The following LTBP1 variants were observed in gnomAD, a reference collection of about 807,000 sequenced individuals.
The protein encoded by LTBP1 is latent transforming growth factor beta binding protein 1, also known as latent-transforming growth factor beta-binding protein 1.
Under a neutral mutation model 207.6 loss-of-function variants are expected in LTBP1, and 129 were observed. That is an observed-to-expected ratio of 0.62 (90% confidence interval 0.54 to 0.72). LTBP1 has a LOEUF of 0.72. Among genes scored for constraint, LTBP1 ranks in the 30% least tolerant of loss-of-function variants. The pLI is 0.00. For missense variants in LTBP1, 2,281 were observed against 2,217.2 expected (o/e 1.03, Z -0.58); for synonymous variants, 963 against 833.7 (o/e 1.16, Z -2.67).
At chr2:32,949,627 G>T (rs369632085) in intron 2 of LTBP1, among the ~76,000 whole-genome samples, 1 of 152,176 alleles carries the variant, frequency 6.6e-6, no homozygotes, top group African/African-American at 2.4e-5. Flanking sequence ...TGTATTTTGA[G>T]GTTCTTCTTG....
chr2:33,017,987 A>C (rs1688626685), intron 2 of LTBP1, among the ~76,000 whole-genome samples: 1 of 152,102 alleles, frequency 6.6e-6, no homozygotes, highest in Non-Finnish European at 1.5e-5. Flanking sequence ...TCTAGGGGGC[A>C]CCTGTCTGAG....
At chr2:33,257,659 C>T in intron 12 of LTBP1, 148 bp downstream of exon 12, 1 of 646,958 alleles carries the variant, frequency 1.5e-6, no homozygotes, top group Non-Finnish European at 2.7e-6. Flanking sequence ...GGGGGCTGCC[C>T]TGTGTATTGT....
chr2:33,035,477 A>G (rs766762015), intron 3 of LTBP1, among the ~76,000 whole-genome samples: 3 of 152,218 alleles, frequency 2.0e-5, no homozygotes, highest in African/African-American at 7.2e-5. Flanking sequence ...AAAGAGAGCA[A>G]GCTTGAAATG....
intron 12 of LTBP1, among the ~76,000 whole-genome samples, chr2:33,257,902 T>C (rs916193047): frequency 6.6e-6 from 1 of 152,214 alleles, no homozygotes; most frequent in Non-Finnish European, 1.5e-5. Context: ...AGTTAAAGCA[T>C]TAAGGTCTAA....
At chr2:33,208,189 A>T (rs908256785) in intron 7 of LTBP1, among the ~76,000 whole-genome samples, 9 of 152,220 alleles carry the variant, frequency 5.9e-5, no homozygotes, top group African/African-American at 2.2e-4. Flanking sequence ...CTGAATGTGG[A>T]TGGAGGTGAG....
At chr2:32,959,994 G>T (rs1678828501) in intron 2 of LTBP1, among the ~76,000 whole-genome samples, 1 of 152,050 alleles carries the variant, frequency 6.6e-6, no homozygotes, top group Admixed American at 6.6e-5. Context: ...ACCATAGCGA[G>T]TAGACAGTTA....
intron 32 of LTBP1, among the ~76,000 whole-genome samples, chr2:33,390,268 C>A (rs1190562395): frequency 6.6e-6 from 1 of 152,050 alleles, no homozygotes; most frequent in Non-Finnish European, 1.5e-5. Context: ...ATTGTGATCC[C>A]CTTTAGAACG....
intron 2 of LTBP1, 26 bp downstream of exon 2, chr2:32,948,971 C>G: frequency 6.2e-7 from 1 of 1,612,668 alleles, no homozygotes; most frequent in Non-Finnish European, 8.5e-7. Context: ...CACAGTGGCC[C>G]TGCACAGTAG....
At chr2:33,303,519 T>A (rs2094028836) in intron 22 of LTBP1, among the ~76,000 whole-genome samples, 1 of 151,796 alleles carries the variant, frequency 6.6e-6, no homozygotes, top group Non-Finnish European at 1.5e-5. Context: ...CCGGCTAATT[T>A]TTTTGTATTT....
At chr2:33,255,783 C>A (rs2092832409) in intron 11 of LTBP1, among the ~76,000 whole-genome samples, 1 of 152,100 alleles carries the variant, frequency 6.6e-6, no homozygotes, top group African/African-American at 2.4e-5. Context: ...TTTCCTTTTT[C>A]TTGAGAACTA....
In LTBP1 at chr2:33,021,318, A is replaced by G. The variant is rs1558524763; in HGVS notation, c.863+112A>G. On this transcript the variant is annotated intron_variant, in intron 3 of 33. Transcript: ENST00000404816. ...ACAATTTGCAGAAATCACTTGGATAATAATGTTTTTCTTTCCTTTCTTAAG... is the reference window on the plus strand; with the variant it reads ...ACAATTTGCAGAAATCACTTGGATAGTAATGTTTTTCTTTCCTTTCTTAAG... The G allele has an allele frequency of 2.9e-6, 3 of 1,030,574 alleles. No individual in the cohort carries two copies. The East Asian group carries it at 7.5e-5, about 26-fold the overall frequency. 63.8% of individuals were successfully genotyped at this position (1,030,574 alleles called of 1,614,324 possible).
At chr2:33,346,293 T>A (rs1202149514) in intron 25 of LTBP1, among the ~76,000 whole-genome samples, 1 of 152,222 alleles carries the variant, frequency 6.6e-6, no homozygotes, top group African/African-American at 2.4e-5. Flanking sequence ...ACCAGAGAAC[T>A]GTATTTTCAG....
At chr2:33,248,141 G>A (rs1479262352) in intron 10 of LTBP1, among the ~76,000 whole-genome samples, 2 of 152,214 alleles carry the variant, frequency 1.3e-5, no homozygotes, top group African/African-American at 4.8e-5. Flanking sequence ...AGGTGAGACA[G>A]ATCTGTACAA....
At chr2:33,083,339 A>G (rs1205158194) in intron 3 of LTBP1, among the ~76,000 whole-genome samples, 2 of 152,092 alleles carry the variant, frequency 1.3e-5, no homozygotes, top group Non-Finnish European at 2.9e-5. Flanking sequence ...AGAAAAAAAA[A>G]TTAGATCATT....
intron 2 of LTBP1, among the ~76,000 whole-genome samples, chr2:33,005,525 T>G (rs1344469243): frequency 6.6e-6 from 1 of 152,036 alleles, no homozygotes; most frequent in East Asian, 1.9e-4. Flanking sequence ...GTATGGCACT[T>G]CTGCATGTCA....
intron 10 of LTBP1, among the ~76,000 whole-genome samples, chr2:33,245,372 A>T (rs1236160410): frequency 6.6e-6 from 1 of 152,238 alleles, no homozygotes. Flanking sequence ...CAAATGTAGT[A>T]AAATAAAAAT....
chr2:32,951,989 C>T (rs1677186630), intron 2 of LTBP1, among the ~76,000 whole-genome samples: 1 of 152,032 alleles, frequency 6.6e-6, no homozygotes, highest in Non-Finnish European at 1.5e-5. Context: ...AATGTATAAC[C>T]CAGGATGTCT....
intron 3 of LTBP1, among the ~76,000 whole-genome samples, chr2:33,051,044 A>C (rs1243948712): frequency 6.6e-6 from 1 of 152,186 alleles, no homozygotes; most frequent in East Asian, 1.9e-4. Context: ...AGGTTTCCTC[A>C]GCCAGAAAAT....
intron 10 of LTBP1, among the ~76,000 whole-genome samples, chr2:33,250,518 C>G (rs2092653209): frequency 6.6e-6 from 1 of 152,122 alleles, no homozygotes; most frequent in South Asian, 2.1e-4. Flanking sequence ...CCTGCTCAGC[C>G]AGGATTAGCT....
Sources: allele counts gnomAD v4.1 joint callset (sites outside exome capture counted in the v4.1 genomes callset), GRCh38; gene constraint gnomAD v4.1.1; transcripts MANE v1.5; gene names NCBI Gene and HGNC (gene_info 2026-07-23, HGNC 2026-07-21).